The following AKAP12 variants were observed in gnomAD, a reference collection of about 807,000 sequenced individuals.
AKAP12 encodes the protein A-kinase anchor protein 12.
A neutral mutation model predicts 79.9 loss-of-function variants in AKAP12; 32 were observed. That is an observed-to-expected ratio of 0.40 (90% CI 0.30 to 0.54). AKAP12 has a LOEUF of 0.54. AKAP12 is among the 20% of genes least tolerant of loss of function. The probability of loss-of-function intolerance (pLI) is 0.48; values close to 1 mark genes in which losing one functional copy is unlikely to be tolerated. For missense variants in AKAP12, 2,074 were observed against 2,177.0 expected, an observed-to-expected ratio of 0.95 and a Z score of 0.94; for synonymous variants, 808 against 857.0, an observed-to-expected ratio of 0.94 and a Z score of 1.00.
chr6:151,242,605 A>G (rs902261120), intron 2 of AKAP12, among the ~76,000 whole-genome samples: 4 of 152,174 alleles, frequency 2.6e-5, no homozygotes, highest in Non-Finnish European at 5.9e-5. Flanking sequence ...GGACTCCCCA[A>G]TTAAGAATGA....
chr6:151,276,540 G>T (rs193158686), intron 2 of AKAP12, among the ~76,000 whole-genome samples: 5 of 152,336 alleles, frequency 3.3e-5, no homozygotes, highest in Admixed American at 2.6e-4. Context: ...CTTAGTCAAC[G>T]GTCTGGCTGT....
chr6:151,263,815 G>A (rs1227542991), intron 2 of AKAP12, among the ~76,000 whole-genome samples: 1 of 152,144 alleles, frequency 6.6e-6, no homozygotes, highest in Non-Finnish European at 1.5e-5. Context: ...CTGACCTCAG[G>A]TGATCCTCCT....
chr6:151,262,579 GACTTCA>G (rs201725063), intron 2 of AKAP12, among the ~76,000 whole-genome samples: 4,785 of 151,544 alleles, frequency 0.032, 133 homozygotes, highest in Non-Finnish European at 0.047. Flanking sequence ...ATGGCTAAAT[GACTTCA>G]ACTTCAAGTT....
Position 151,240,702 on chromosome 6 carries a change from C to A in AKAP12, c.140C>A (p.Ala47Asp). Residue 47 changes from alanine to aspartate, a missense_variant, in exon 2 of 5, where the codon GCT becomes GAT. This residue lies in a region of AKAP12 where 1,428 missense variants were observed against 1,451.0 expected (regional missense o/e 0.98). Transcript: ENST00000402676. Reference protein sequence around the residue: ...APDTTADPAIAASDPATKLLQ... With the variant: ...APDTTADPAIDASDPATKLLQ... ...GACACCACCGCGGACCCCGCCATCG[C>A]TGCCTCGGACCCCGCCACCAAGGTA... 8.4e-7 allele frequency: 1 copy of A among 1,185,408 alleles called. No homozygotes were observed. Among genetic ancestry groups the A allele is most frequent in the Non-Finnish European group, 1.0e-6 (1 of 956,438 alleles). The allele number at this position is 1,185,408 out of a possible 1,614,324, so 73.4% of individuals were successfully genotyped here. A position where few individuals can be genotyped will look rare whatever the true frequency, so the allele number is the denominator to read the frequency against.
intron 2 of AKAP12, among the ~76,000 whole-genome samples, chr6:151,244,642 G>A (rs1342332378): frequency 2.3e-4 from 35 of 152,192 alleles, no homozygotes; most frequent in Admixed American, 2.2e-3. Flanking sequence ...AATGGAGAAC[G>A]AAGATGGCCT....
chr6:151,338,061 G>A (rs975795052), intron 3 of AKAP12, among the ~76,000 whole-genome samples: 1 of 152,172 alleles, frequency 6.6e-6, no homozygotes, highest in African/African-American at 2.4e-5. Context: ...GCATTTGAAA[G>A]TAAGTTATAT....
intron 2 of AKAP12, among the ~76,000 whole-genome samples, chr6:151,285,229 A>C (rs934998978): frequency 5.9e-5 from 9 of 152,228 alleles, no homozygotes; most frequent in African/African-American, 2.2e-4. Context: ...CCTAATTGGT[A>C]TAAAAACTTT....
intron 2 of AKAP12, among the ~76,000 whole-genome samples, chr6:151,250,465 A>C (rs1355980058): frequency 1.3e-5 from 2 of 151,644 alleles, no homozygotes; most frequent in African/African-American, 4.8e-5. Flanking sequence ...GCACCACTGC[A>C]CTCCAGCCTG....
At chr6:151,337,524 A>AAAAAGAAAGAAAGAAAG (rs535027217) in intron 3 of AKAP12, among the ~76,000 whole-genome samples, 1 of 129,784 alleles carries the variant, frequency 7.7e-6, no homozygotes, top group East Asian at 2.2e-4. Flanking sequence ...AAAAAAAAAA[A>AAAAAGAAAGAAAGAAAG]AAAGAAAGAA....
intron 2 of AKAP12, among the ~76,000 whole-genome samples, chr6:151,302,698 G>A (rs1031148216): frequency 3.1e-4 from 47 of 152,210 alleles, no homozygotes; most frequent in African/African-American, 1.1e-3. Context: ...TGAAATTGAG[G>A]TATTAAGATG....
intron 2 of AKAP12, among the ~76,000 whole-genome samples, chr6:151,290,608 C>CTT (rs146195150): frequency 3.5e-5 from 5 of 143,752 alleles, no homozygotes; most frequent in South Asian, 2.2e-4. Context: ...TCACCAGATT[C>CTT]TTTTTTTTTT....
intron 2 of AKAP12, among the ~76,000 whole-genome samples, chr6:151,250,657 G>C (rs1313112169): frequency 1.3e-5 from 2 of 149,934 alleles, no homozygotes; most frequent in South Asian, 2.1e-4. Flanking sequence ...CCAGGCTGGA[G>C]TGCAGTGGCG....
chr6:151,283,648 G>C (rs976377217), intron 2 of AKAP12, among the ~76,000 whole-genome samples: 1 of 152,226 alleles, frequency 6.6e-6, no homozygotes, highest in Admixed American at 6.5e-5. Context: ...GAACCTTACA[G>C]GTAGGGCCTC....
At chr6:151,306,821 T>C (rs192033516) in intron 3 of AKAP12, among the ~76,000 whole-genome samples, 4 of 152,320 alleles carry the variant, frequency 2.6e-5, no homozygotes, top group Admixed American at 2.6e-4. Flanking sequence ...AAGTTAGAAA[T>C]ATACACAGTC....
chr6:151,329,207 C>T (rs1300847576), intron 3 of AKAP12, among the ~76,000 whole-genome samples: 2 of 152,082 alleles, frequency 1.3e-5, no homozygotes, highest in Non-Finnish European at 2.9e-5. Flanking sequence ...CTCCACCTCC[C>T]GGGTTCAAGC....
At chr6:151,250,008 G>A (rs1264387452) in intron 2 of AKAP12, among the ~76,000 whole-genome samples, 1 of 152,192 alleles carries the variant, frequency 6.6e-6, no homozygotes, top group Non-Finnish European at 1.5e-5. Context: ...ACTTCGGGAG[G>A]TGAGGGTGGG....
At chr6:151,262,661 A>G (rs1797461182) in intron 2 of AKAP12, among the ~76,000 whole-genome samples, 1 of 152,196 alleles carries the variant, frequency 6.6e-6, no homozygotes. Context: ...CATTTTTAGC[A>G]AGTGAATATC....
chr6:151,285,384 CTGTGTGTGTG>C (rs10680283), intron 2 of AKAP12, among the ~76,000 whole-genome samples: 159 of 136,550 alleles, frequency 1.2e-3, no homozygotes, highest in Non-Finnish European at 2.1e-3. Flanking sequence ...CTGCATTTCA[CTGTGTGTGTG>C]TGTGTGTGTG....
chr6:151,249,731 GTTT>G (rs1797139903), intron 2 of AKAP12, among the ~76,000 whole-genome samples: 1 of 152,136 alleles, frequency 6.6e-6, no homozygotes, highest in African/African-American at 2.4e-5. Flanking sequence ...GCATAAACCT[GTTT>G]ATTGATTTCC....
Sources: gnomAD v4.1 joint callset for allele counts (sites outside exome capture counted in the v4.1 genomes callset) on GRCh38, gnomAD v4.1.1 for gene constraint, gnomAD v4.1.1 regional missense constraint, MANE v1.5 for transcripts, NCBI Gene and HGNC (gene_info 2026-07-23, HGNC 2026-07-21) for gene names.